The following PALLD variants were observed in gnomAD, a reference collection of about 807,000 sequenced individuals.
The protein encoded by PALLD is palladin, cytoskeletal associated protein, also known as palladin.
In PALLD, 61 loss-of-function variants were observed where a neutral mutation model predicts 123.5. The ratio of observed to expected loss-of-function variants is 0.49; its 90% CI spans 0.40 to 0.61. The LOEUF (loss-of-function observed/expected upper bound fraction) is 0.61. PALLD is among the 20% of genes least tolerant of loss of function. The pLI, the probability that PALLD is intolerant of heterozygous loss-of-function variation, is 0.00. For missense variants in PALLD, 1,273 were observed against 1,377.0 expected, an observed-to-expected ratio of 0.92 and a Z score of 1.20; for synonymous variants, 465 against 496.4, an observed-to-expected ratio of 0.94 and a Z score of 0.84.
At chr4:168,807,259 A>G (rs1581571376) in intron 10 of PALLD, among the ~76,000 whole-genome samples, 1 of 151,072 alleles carries the variant, frequency 6.6e-6, no homozygotes, top group African/African-American at 2.5e-5. Flanking sequence ...ATAAAAAGCT[A>G]TGAGTACACA....
chr4:168,664,236 C>G (rs866797665), intron 2 of PALLD, among the ~76,000 whole-genome samples: 38 of 151,860 alleles, frequency 2.5e-4, no homozygotes, highest in Middle Eastern at 3.4e-3. Context: ...GGAATTTGTA[C>G]TTTAAAAAAA....
At chr4:168,781,874 A>C (rs960086980) in intron 10 of PALLD, among the ~76,000 whole-genome samples, 1 of 152,020 alleles carries the variant, frequency 6.6e-6, no homozygotes, top group Non-Finnish European at 1.5e-5. Flanking sequence ...GTACCCACTG[A>C]CTGATTTTGC....
chr4:168,600,022 T>TAC (rs758998866), intron 2 of PALLD, among the ~76,000 whole-genome samples: 1 of 146,136 alleles, frequency 6.8e-6, no homozygotes, highest in Admixed American at 6.7e-5. Context: ...TACATGTGTG[T>TAC]ACACACACAT....
At chr4:168,625,704 C>T (rs919092158) in intron 2 of PALLD, among the ~76,000 whole-genome samples, 4 of 151,764 alleles carry the variant, frequency 2.6e-5, no homozygotes, top group Admixed American at 2.6e-4. Context: ...AAAATCAAAA[C>T]CCCAATGAGA....
rs544117895 is a variant in PALLD, at chr4:168,839,336, G to A, written c.1965-51586G>A. 1.4e-4 allele frequency among the ~76,000 whole-genome samples: 22 copies of A among 152,286 alleles called. No individual in the cohort carries two copies. In the East Asian group the frequency reaches 3.3e-3, roughly 23 times the overall value. On this transcript the variant is annotated intron_variant, in intron 10 of 21. Transcript: ENST00000505667. Reference sequence around the variant, plus strand: ...CTCATTCCCACCAGATGGTGCCCCTGTTGGGGGCAGTGAAGAAGCCTTCTA... The same window carrying A: ...CTCATTCCCACCAGATGGTGCCCCTATTGGGGGCAGTGAAGAAGCCTTCTA...
intron 17 of PALLD, among the ~76,000 whole-genome samples, chr4:168,916,539 T>C (rs1054795523): frequency 6.6e-6 from 1 of 152,196 alleles, no homozygotes; most frequent in African/African-American, 2.4e-5. Flanking sequence ...ATGACATTAC[T>C]CTAGAAAGTC....
At chr4:168,733,781 C>T (rs530747112) in intron 10 of PALLD, among the ~76,000 whole-genome samples, 45 of 152,014 alleles carry the variant, frequency 3.0e-4, no homozygotes, top group Non-Finnish European at 5.2e-4. Flanking sequence ...TTGCCCTGGC[C>T]GGACTGCAGT....
chr4:168,718,258 G>C (rs1455455258), intron 10 of PALLD, among the ~76,000 whole-genome samples: 1 of 152,124 alleles, frequency 6.6e-6, no homozygotes, highest in Non-Finnish European at 1.5e-5. Context: ...CTTAGGTTCT[G>C]TTCTTGTATA....
intron 10 of PALLD, among the ~76,000 whole-genome samples, chr4:168,761,604 G>T (rs894148717): frequency 2.9e-5 from 4 of 138,212 alleles, no homozygotes; most frequent in Non-Finnish European, 6.1e-5. Context: ...GGGACTACAC[G>T]CACACACCAC....
At chr4:168,925,897 G>T (rs1200118220) in intron 21 of PALLD, among the ~76,000 whole-genome samples, 4 of 152,056 alleles carry the variant, frequency 2.6e-5, no homozygotes, top group Non-Finnish European at 4.4e-5. Flanking sequence ...TTTAAAAGGA[G>T]AGGGGGGATG....
chr4:168,853,953 G>A (rs1581771435), intron 10 of PALLD, among the ~76,000 whole-genome samples: 1 of 152,276 alleles, frequency 6.6e-6, no homozygotes, highest in East Asian at 1.9e-4. Context: ...GATCAGGGAT[G>A]GTGCCACTGA....
chr4:168,660,927 C>T (rs1779071497), intron 2 of PALLD, among the ~76,000 whole-genome samples: 1 of 149,418 alleles, frequency 6.7e-6, no homozygotes, highest in South Asian at 2.1e-4. Context: ...TTTTTTGAGA[C>T]AGAGTCTCGC....
At chr4:168,773,080 G>C (rs1734670348) in intron 10 of PALLD, among the ~76,000 whole-genome samples, 1 of 152,128 alleles carries the variant, frequency 6.6e-6, no homozygotes, top group South Asian at 2.1e-4. Context: ...TCTCTCAAGA[G>C]TTTAGAGTAG....
At chr4:168,692,289 C>T (rs552199341) in intron 8 of PALLD, among the ~76,000 whole-genome samples, 5 of 152,254 alleles carry the variant, frequency 3.3e-5, no homozygotes, top group South Asian at 2.1e-4. Flanking sequence ...TAGGATCCAA[C>T]GTTTAAGGGA....
intron 10 of PALLD, among the ~76,000 whole-genome samples, chr4:168,877,155 CATAA>C (rs1751857111): frequency 6.6e-6 from 1 of 152,148 alleles, no homozygotes. Flanking sequence ...TAAAATTTTG[CATAA>C]AGACTTTCTT....
Position 168,511,459 on chromosome 4 carries a change from C to T in PALLD, c.-46C>T, listed in dbSNP as rs774395672. 6.2e-6 allele frequency: 9 copies of T among 1,445,198 alleles called. No homozygotes were observed. The East Asian group carries it at 2.0e-4, about 33-fold the overall frequency. The allele number at this position is 1,445,198 out of a possible 1,614,324, so 89.5% of individuals were successfully genotyped here. A position where few individuals can be genotyped will look rare whatever the true frequency, so the allele number is the denominator to read the frequency against. ...AGAAAACAGTTTCCAGTGCCTCTGG[C>T]CTTCCTACTGAAAGCAGACACAGAG... On this transcript the variant is annotated 5_prime_UTR_variant, in exon 2 of 22. Coordinates refer to ENST00000505667, the MANE Select transcript of PALLD (RefSeq NM_001166108.2).
Position 168,691,200 on chromosome 4 carries a change from T to G in PALLD, c.1478-69T>G, listed in dbSNP as rs1782587462. On this transcript the variant is annotated intron_variant, in intron 7 of 21. Coordinates refer to ENST00000505667, the MANE Select transcript of PALLD (RefSeq NM_001166108.2). ...AAGGTAATGGAAAGGAACAAGTAGG[T>G]TTTTTTTAATTAAATGGAACCCCAT... 5 of 1,139,154 alleles carry G rather than the reference T, an allele frequency of 4.4e-6. No homozygotes were observed. In the East Asian group the frequency reaches 9.4e-5, roughly 21 times the overall value. 70.6% of individuals were successfully genotyped at this position (1,139,154 alleles called of 1,614,324 possible).
At chr4:168,659,735 G>A (rs1280814618) in intron 2 of PALLD, among the ~76,000 whole-genome samples, 1 of 152,154 alleles carries the variant, frequency 6.6e-6, no homozygotes, top group African/African-American at 2.4e-5. Flanking sequence ...CTTTATAAGC[G>A]TTATAAGTCA....
chr4:168,921,723 C>T lies in PALLD; in HGVS notation c.3040C>T (p.Leu1014=). The T allele has an allele frequency of 3.1e-6, 5 of 1,611,420 alleles. No individual in the cohort carries two copies. The highest frequency in any genetic ancestry group is 4.2e-6 in the Non-Finnish European group (5 of 1,179,660). ...TNRAGQNSFS[L]ELVVAAKEAH... The stretch of plus-strand genomic sequence containing the variant: ...CCGAGCAGGACAGAACTCATTCAGC[C>T]TGGAGCTTGTGGTTGCTGGTAGGCT... The change falls in exon 18 of 22, where the codon CTG becomes TTG. Residue 1014 remains leucine, a synonymous_variant. Coordinates refer to ENST00000505667, the MANE Select transcript of PALLD (RefSeq NM_001166108.2).
Sources: allele counts gnomAD v4.1 joint callset (sites outside exome capture counted in the v4.1 genomes callset), GRCh38; gene constraint gnomAD v4.1.1; transcripts MANE v1.5; gene names NCBI Gene and HGNC (gene_info 2026-07-23, HGNC 2026-07-21).